Variants in CECR2 observed in about 807,000 individuals in gnomAD.
The protein encoded by CECR2 is chromatin remodeling regulator CECR2.
A neutral mutation model predicts 154.5 loss-of-function variants in CECR2; 30 were observed. The ratio of observed to expected loss-of-function variants is 0.19; its 90% confidence interval spans 0.15 to 0.26. The LOEUF is 0.26. Ranked by LOEUF, CECR2 falls within the 10% of genes least tolerant of loss-of-function variation. CECR2 has a pLI of 1.00. For missense variants in CECR2, 1,743 were observed against 1,829.3 expected, an observed-to-expected ratio of 0.95 and a Z score of 0.86; for synonymous variants, 725 against 683.7, an observed-to-expected ratio of 1.06 and a Z score of -0.94.
At chr22:17,370,542 C>T (rs116898257) in intron 1 of CECR2, among the ~76,000 whole-genome samples, 4,525 of 152,262 alleles carry the variant, frequency 0.03, 73 homozygotes, top group Non-Finnish European at 0.047. Context: ...TATTCTTCCA[C>T]AGCGTCCTTC....
chr22:17,428,796 A>G (rs900180700), intron 1 of CECR2, among the ~76,000 whole-genome samples: 567 of 61,402 alleles, frequency 9.2e-3, no homozygotes, highest in Non-Finnish European at 0.013. Flanking sequence ...TAATGTTTTT[A>G]TTTGTGTGTG....
rs763386899 is a variant in CECR2, at chr22:17,542,203, C to T, written c.2060C>T (p.Pro687Leu). The T allele has an allele frequency of 6.2e-7, 1 of 1,613,042 alleles. No homozygotes were observed. The highest frequency in any genetic ancestry group is 8.5e-7 in the Non-Finnish European group (1 of 1,179,452). Reference protein sequence around the residue: ...NSLRGPRLGTPEEKQMCGGLT... With the variant: ...NSLRGPRLGTLEEKQMCGGLT... ...CTCCGAGGACCCAGGCTAGGCACAC[C>T]AGAGGAGAAGCAAATGTGCGGGGGG... The change falls in exon 16 of 19, where the codon CCA becomes CTA. Residue 687 changes from proline to leucine, a missense_variant. This residue lies in a region of CECR2 where 1,250 missense variants were observed against 1,192.1 expected (regional missense o/e 1.05). Transcript: ENST00000262608.
intron 7 of CECR2, among the ~76,000 whole-genome samples, chr22:17,507,362 A>C (rs1461331477): frequency 6.6e-6 from 1 of 152,210 alleles, no homozygotes; most frequent in East Asian, 1.9e-4. Context: ...TGTGATCAGC[A>C]ATTCACTGCA....
chr22:17,380,091 G>A (rs1307257532), intron 1 of CECR2, among the ~76,000 whole-genome samples: 1 of 151,910 alleles, frequency 6.6e-6, no homozygotes, highest in African/African-American at 2.4e-5. Context: ...ACTCCCTTGT[G>A]CTCTACTCAT....
rs543489879 is a variant in CECR2, at chr22:17,558,090, T to C, written c.*5250T>C. On this transcript the variant is annotated 3_prime_UTR_variant, in exon 19 of 19. Coordinates refer to ENST00000262608, the MANE Select transcript of CECR2 (RefSeq NM_001290047.2). ...TAAAAAGCTTTTTGATCCTTGGAGG[T>C]CTGTAGATTTATTTCCATATGAACT... 6.6e-6 allele frequency: 1 copy of C among 152,322 alleles called. No individual in the cohort carries two copies. Among genetic ancestry groups the C allele is most frequent in the South Asian group, 2.1e-4 (1 of 4,824 alleles). 9.4% of individuals were successfully genotyped at this position (152,322 alleles called of 1,614,324 possible). A position where few individuals can be genotyped will look rare whatever the true frequency, so the allele number is the denominator to read the frequency against.
At chr22:17,441,380 A>T (rs888821092) in intron 1 of CECR2, among the ~76,000 whole-genome samples, 13 of 152,186 alleles carry the variant, frequency 8.5e-5, no homozygotes, top group Non-Finnish European at 1.8e-4. Context: ...CACAGCTGTG[A>T]TACTGTACTA....
rs2056209692 is a variant in CECR2 at position 17,524,189 on chromosome 22, A to G, written c.1026A>G (p.Leu342=). The part of the protein sequence containing the change: ...KEEEEERQIL[L]AVQKKEQEQM... Reference sequence around the variant, plus strand: ...AGGAAGAAGAGCGTCAGATTCTTCTAGCAGTGCAGAAGAAGGAGCAGGAGC... The same window carrying G: ...AGGAAGAAGAGCGTCAGATTCTTCTGGCAGTGCAGAAGAAGGAGCAGGAGC... The change falls in exon 9 of 19, where the codon CTA becomes CTG. Residue 342 remains leucine, a synonymous_variant. Transcript: ENST00000262608. 6.2e-7 allele frequency: 1 copy of G among 1,608,942 alleles called. No individual in the cohort carries two copies. The highest frequency in any genetic ancestry group is 1.3e-5 in the African/African-American group (1 of 74,918).
intron 9 of CECR2, among the ~76,000 whole-genome samples, chr22:17,531,211 A>T (rs1178694921): frequency 1.3e-5 from 2 of 152,202 alleles, no homozygotes; most frequent in African/African-American, 4.8e-5. Context: ...ACAAAAAAAA[A>T]GGTTAAAGGG....
At chr22:17,500,189 C>T (rs553681402) in intron 4 of CECR2, among the ~76,000 whole-genome samples, 6 of 132,302 alleles carry the variant, frequency 4.5e-5, no homozygotes, top group Middle Eastern at 4.5e-3. Flanking sequence ...CCAGCCTGGG[C>T]GACAGAGCGA....
rs772294114 is a variant in CECR2, at chr22:17,497,589, ATGCT to A, written c.405+5_405+8del. 126 of 1,612,842 alleles carry A rather than the reference ATGCT, an allele frequency of 7.8e-5. No individual in the cohort carries two copies. In the Middle Eastern group the frequency reaches 2.3e-3, roughly 29 times the overall value. The stretch of plus-strand genomic sequence containing the variant: ...ACGATGTCTTCGATCTTCTAAAGGT[ATGCT>A]TAACTGGCGAACCTTTCCCTGTAGC... On this transcript the variant is annotated splice_donor_5th_base_variant and intron_variant, in intron 3 of 18. Transcript: ENST00000262608.
rs997789880 is a variant in CECR2 at position 17,554,790 on chromosome 22, G to C, written c.*1950G>C. ...ATCACTGGCATAACCTGGTTTAGAA[G>C]AGTGAAGAGGACAGAAGGATTGTGG... is the stretch of plus-strand genomic sequence containing the variant. On this transcript the variant is annotated 3_prime_UTR_variant, in exon 19 of 19. Coordinates refer to ENST00000262608, the MANE Select transcript of CECR2 (RefSeq NM_001290047.2). 9 of 152,240 alleles carry C rather than the reference G, an allele frequency of 5.9e-5. No homozygotes were observed. Among genetic ancestry groups the C allele is most frequent in the Non-Finnish European group, 1.2e-4 (8 of 68,054 alleles). The allele number at this position is 152,240 out of a possible 1,614,324, so 9.4% of individuals were successfully genotyped here.
At position 17,377,887 on chromosome 22, in the gene CECR2, A is replaced by G. The variant is rs149118769; in HGVS notation, c.126+7978A>G. Reference sequence around the variant, plus strand: ...AGTGAGCTCCAGATTGTGTTCCTTTAATCCTCTGGGTTTCTCAGCCTCAGC... The same window carrying G: ...AGTGAGCTCCAGATTGTGTTCCTTTGATCCTCTGGGTTTCTCAGCCTCAGC... On this transcript the variant is annotated intron_variant, in intron 1 of 18. Transcript: ENST00000262608. Among the ~76,000 whole-genome samples the G allele has an allele frequency of 1.2e-3, 177 of 152,300 alleles. 1 individual carries two copies. Among genetic ancestry groups the G allele is most frequent in the African/African-American group, 4.1e-3 (172 of 41,582 alleles).
intron 5 of CECR2, among the ~76,000 whole-genome samples, chr22:17,501,613 A>AC (rs1334450567): frequency 1.3e-5 from 2 of 152,076 alleles, no homozygotes; most frequent in Non-Finnish European, 2.9e-5. Context: ...ATCAGCATCC[A>AC]CTTAACTTTA....
chr22:17,493,928 T>C (rs2055574863), intron 2 of CECR2, among the ~76,000 whole-genome samples: 1 of 152,242 alleles, frequency 6.6e-6, no homozygotes, highest in Admixed American at 6.5e-5. Flanking sequence ...CCATGTTTTA[T>C]TTTATTGCAG....
intron 6 of CECR2, among the ~76,000 whole-genome samples, chr22:17,504,075 T>TAAATAAATAAATAAATA (rs879844244): frequency 6.7e-6 from 1 of 149,822 alleles, no homozygotes; most frequent in African/African-American, 2.5e-5. Flanking sequence ...AATAAATAAA[T>TAAATAAATAAATAAATA]AAAATTTAAA....
chr22:17,458,106 C>T (rs947930237), intron 1 of CECR2, among the ~76,000 whole-genome samples: 2 of 151,960 alleles, frequency 1.3e-5, no homozygotes, highest in Non-Finnish European at 2.9e-5. Context: ...CTGCATGACT[C>T]AATACATATG....
At chr22:17,538,967 T>C in intron 12 of CECR2, 26 bp from the exon 13 acceptor site, 1 of 1,606,474 alleles carries the variant, frequency 6.2e-7, no homozygotes, top group Non-Finnish European at 8.5e-7. Context: ...ATATTTTAAC[T>C]ATAAAGAGTT....
rs1321055441 is a variant in CECR2, at chr22:17,524,549, C to T, written c.1108+278C>T. 4.4e-5 allele frequency among the ~76,000 whole-genome samples: 6 copies of T among 136,874 alleles called. 1 individual carries two copies. Among genetic ancestry groups the T allele is most frequent in the African/African-American group, 2.8e-5 (1 of 35,738 alleles). The allele number at this position is 136,874 out of a possible 152,430, so 89.8% of individuals were successfully genotyped here. On this transcript the variant is annotated intron_variant, in intron 9 of 18. Transcript: ENST00000262608. ...CTGGGACTACAGGTGCCCACCACCA[C>T]GCCCGGCTAATTTTTTGTATTTTTA...
chr22:17,372,028 A>G (rs2063067356), intron 1 of CECR2, among the ~76,000 whole-genome samples: 1 of 149,474 alleles, frequency 6.7e-6, no homozygotes, highest in Non-Finnish European at 1.5e-5. Flanking sequence ...TACATGGTGA[A>G]TAATCAAGGC....
Sources: allele counts gnomAD v4.1 joint callset (sites outside exome capture counted in the v4.1 genomes callset), GRCh38; gene constraint gnomAD v4.1.1; regional missense constraint gnomAD v4.1.1; transcripts MANE v1.5; gene names NCBI Gene and HGNC (gene_info 2026-07-23, HGNC 2026-07-21).